The following NFATC2 variants were observed in gnomAD, a reference collection of about 807,000 sequenced individuals.
The protein encoded by NFATC2 is nuclear factor of activated T-cells, cytoplasmic 2.
In NFATC2, 22 loss-of-function variants were observed where a neutral mutation model predicts 87.3. That is an observed-to-expected ratio of 0.25 (90% CI 0.18 to 0.36). The LOEUF (loss-of-function observed/expected upper bound fraction) is 0.36. Ranked by LOEUF, NFATC2 falls within the 10% of genes least tolerant of loss-of-function variation. The pLI is 1.00. For synonymous variants in NFATC2, 565 were observed against 542.2 expected (o/e 1.04, Z -0.58); for missense variants, 1,149 against 1,259.1 (o/e 0.91, Z 1.32).
At chr20:51,465,989 G>A (rs754901544) in intron 5 of NFATC2, among the ~76,000 whole-genome samples, 1 of 152,114 alleles carries the variant, frequency 6.6e-6, no homozygotes, top group Non-Finnish European at 1.5e-5. Context: ...AGGAGCAGCT[G>A]AACAAGATGA....
At position 51,432,263 on chromosome 20, in the gene NFATC2, G is replaced by C. The variant is rs1470476687; in HGVS notation, c.2526C>G (p.Thr842=). The stretch of plus-strand genomic sequence containing the variant: ...GACTGACCGGGGGCGGGCCAGGTCT[G>C]GTGGTGCCTGGTGCGAAATTCTCGC... ...MYCENFAPGT[T]RPGPPPVSQG... Residue 842 remains threonine (T), a synonymous_variant, in exon 9 of 11, where the codon ACC becomes ACG. Coordinates refer to ENST00000371564, the MANE Select transcript of NFATC2 (RefSeq NM_012340.5). This position sits in a 1 kb window ranked among gnomAD's most constrained non-coding sequence, Gnocchi z 4.6. 14 of 1,614,124 alleles carry C rather than the reference G, an allele frequency of 8.7e-6. No individual in the cohort carries two copies. Among genetic ancestry groups the C allele is most frequent in the Non-Finnish European group, 1.2e-5 (14 of 1,180,046 alleles).
chr20:51,556,531 A>C (rs1195929912), intron 1 of NFATC2, among the ~76,000 whole-genome samples: 1 of 152,166 alleles, frequency 6.6e-6, no homozygotes, highest in African/African-American at 2.4e-5. Flanking sequence ...AGCATCTTGG[A>C]AAGTACCCGG....
chr20:51,488,598 A>T (rs1212254707), intron 3 of NFATC2, among the ~76,000 whole-genome samples: 4 of 146,578 alleles, frequency 2.7e-5, no homozygotes, highest in Non-Finnish European at 5.9e-5. Context: ...TGAGGAGGGG[A>T]AACAGAAAAT....
chr20:51,471,622 C>A (rs141332956), intron 5 of NFATC2, among the ~76,000 whole-genome samples: 2 of 152,194 alleles, frequency 1.3e-5, no homozygotes, highest in African/African-American at 2.4e-5. Flanking sequence ...AAAGACCAAC[C>A]AAGACCAAGT....
At chr20:51,518,424 C>T (rs1026680857) in intron 2 of NFATC2, among the ~76,000 whole-genome samples, 1 of 152,206 alleles carries the variant, frequency 6.6e-6, no homozygotes, top group Admixed American at 6.5e-5. Context: ...CCTCCATAAA[C>T]TTCATCTGTG....
chr20:51,430,335 C>T (rs1238360867), intron 9 of NFATC2, among the ~76,000 whole-genome samples: 1 of 152,194 alleles, frequency 6.6e-6, no homozygotes, highest in Non-Finnish European at 1.5e-5. Flanking sequence ...CATTGATCCT[C>T]CACGTTCTGC....
chr20:51,550,634 T>C (rs1375969336), intron 1 of NFATC2, among the ~76,000 whole-genome samples: 2 of 152,002 alleles, frequency 1.3e-5, no homozygotes, highest in African/African-American at 2.4e-5. Flanking sequence ...AAAATGCATT[T>C]AATATGCTTA....
chr20:51,552,226 G>A (rs908802846), intron 1 of NFATC2, among the ~76,000 whole-genome samples: 1 of 152,150 alleles, frequency 6.6e-6, no homozygotes, highest in African/African-American at 2.4e-5. Flanking sequence ...GCAGTGAGCC[G>A]TGTTCGTGCC....
intron 6 of NFATC2, among the ~76,000 whole-genome samples, chr20:51,450,137 A>G (rs1465366993): frequency 2.0e-5 from 3 of 152,216 alleles, no homozygotes; most frequent in African/African-American, 7.2e-5. Flanking sequence ...CATCATCTGT[A>G]TCTTACAAAA....
At position 51,435,730 on chromosome 20, in the gene NFATC2, C is replaced by T. The variant is rs376812645; in HGVS notation, c.1881G>A (p.Thr627=). 10 of 1,608,904 alleles carry T rather than the reference C, an allele frequency of 6.2e-6. No individual in the cohort carries two copies. Among genetic ancestry groups the T allele is most frequent in the Admixed American group, 1.7e-5 (1 of 59,500 alleles). Residue 627 remains threonine (T), a synonymous_variant, in exon 7 of 11, where the codon ACG becomes ACA. Coordinates refer to ENST00000371564, the MANE Select transcript of NFATC2 (RefSeq NM_012340.5). ...DGQQIWEMEA[T]VDKDKSQPNM... ...CGGGCTGGCTCTTGTCCTTATCCAC[C>T]GTGGCTTCCATCTCCCAAATTTGCT...
At chr20:51,413,232 C>T (rs1254899238) in intron 9 of NFATC2, among the ~76,000 whole-genome samples, 2 of 151,920 alleles carry the variant, frequency 1.3e-5, no homozygotes, top group African/African-American at 4.8e-5. Flanking sequence ...TGGAGTCCCC[C>T]AAGCATCTGC....
chr20:51,525,356 A>C (rs1164764167), intron 1 of NFATC2, among the ~76,000 whole-genome samples: 1 of 152,190 alleles, frequency 6.6e-6, no homozygotes, highest in Non-Finnish European at 1.5e-5. Flanking sequence ...ATGCTGTTCA[A>C]GTAGAATGTT....
chr20:51,538,645 A>G (rs888427337), intron 1 of NFATC2, among the ~76,000 whole-genome samples: 2 of 152,244 alleles, frequency 1.3e-5, no homozygotes, highest in Non-Finnish European at 2.9e-5. Flanking sequence ...GGTGCTCAAT[A>G]GCTGAATGAG....
chr20:51,559,387 G>A (rs1408205691), intron 1 of NFATC2, among the ~76,000 whole-genome samples: 2 of 152,158 alleles, frequency 1.3e-5, no homozygotes, highest in African/African-American at 2.4e-5. Context: ...GTGGTATTGG[G>A]GAAAGATCCC....
intron 1 of NFATC2, among the ~76,000 whole-genome samples, chr20:51,540,671 T>TTTTTTTTTTTTTTTTTTTTTTTA (rs2076802617): frequency 6.7e-6 from 1 of 148,684 alleles, no homozygotes; most frequent in Non-Finnish European, 1.5e-5. Flanking sequence ...TTTTTTTTTT[T>TTTTTTTTTTTTTTTTTTTTTTTA]GAGAAAACAG....
intron 9 of NFATC2, among the ~76,000 whole-genome samples, chr20:51,400,258 C>A (rs765799181): frequency 2.9e-4 from 44 of 152,310 alleles, no homozygotes; most frequent in Middle Eastern, 6.8e-3. Context: ...ATGACCAACA[C>A]GTTGTCACTT....
chr20:51,432,513 C>T lies in NFATC2; in HGVS notation c.2276G>A (p.Ser759Asn). ...AVLYQRSKSL[S>N]PSLLGYQQPA... Reference sequence around the variant, plus strand: ...CTGCTGATAGCCCAGCAGGCTGGGGCTCAGGCTCTTGCTCCGCTGGTAGAG... The same window carrying T: ...CTGCTGATAGCCCAGCAGGCTGGGGTTCAGGCTCTTGCTCCGCTGGTAGAG... Residue 759 changes from serine to asparagine, a missense_variant, in exon 9 of 11, where the codon AGC becomes AAC. Transcript: ENST00000371564. The surrounding 1 kb of genome is among the most constrained non-coding windows in gnomAD (Gnocchi z 4.6). 1 of 1,556,604 alleles carries T rather than the reference C, an allele frequency of 6.4e-7. No homozygotes were observed. The highest frequency in any genetic ancestry group is 2.3e-5 in the East Asian group (1 of 44,382).
intron 3 of NFATC2, among the ~76,000 whole-genome samples, chr20:51,483,460 C>G (rs188046652): frequency 3.3e-5 from 5 of 151,884 alleles, no homozygotes; most frequent in African/African-American, 1.2e-4. Context: ...GGGAGGGTAC[C>G]GGGGAAGAGG....
intron 1 of NFATC2, among the ~76,000 whole-genome samples, chr20:51,531,000 T>C (rs2076624434): frequency 6.6e-6 from 1 of 152,180 alleles, no homozygotes; most frequent in South Asian, 2.1e-4. Flanking sequence ...GCAGCTAAAA[T>C]ATATTGAGAA....
Sources: gnomAD v4.1 joint callset for allele counts (sites outside exome capture counted in the v4.1 genomes callset) on GRCh38, gnomAD v4.1.1 for gene constraint, Gnocchi (gnomAD v3.1) non-coding constraint, MANE v1.5 for transcripts, NCBI Gene and HGNC (gene_info 2026-07-23, HGNC 2026-07-21) for gene names.